NPIPB8: variants seen among roughly 807,000 people sequenced by gnomAD.
NPIPB8 encodes nuclear pore complex-interacting protein family member B8.
In NPIPB8, 3 loss-of-function variants were observed where a neutral mutation model predicts 5.3. The ratio of observed to expected loss-of-function variants is 0.57; its 90% CI spans 0.26 to 1.47. NPIPB8 has a LOEUF of 1.47. Among genes scored for constraint, NPIPB8 ranks in the 40% most tolerant of loss-of-function variants. The pLI, the probability that NPIPB8 is intolerant of heterozygous loss-of-function variation, is 0.13. For synonymous variants in NPIPB8, 18 were observed against 23.0 expected, an observed-to-expected ratio of 0.78 and a Z score of 0.62; for missense variants, 50 against 50.2, an observed-to-expected ratio of 1.00 and a Z score of 0.01.
intron 2 of NPIPB8, among the ~76,000 whole-genome samples, chr16:28,642,393 C>T (rs2047915840): frequency 6.6e-6 from 1 of 152,082 alleles, no homozygotes; most frequent in African/African-American, 2.4e-5. Flanking sequence ...TGTGAGCCAC[C>T]ATGCCCAGCC....
Position 28,638,401 on chromosome 16 carries a change from C to A in NPIPB8, c.41C>A (p.Ser14Tyr), listed in dbSNP as rs1285139331. 1 of 1,572,028 alleles carries A rather than the reference C, an allele frequency of 6.4e-7. No individual in the cohort carries two copies. The change falls in exon 2 of 8, where the codon TCC becomes TAC. Residue 14 changes from serine to tyrosine, a missense_variant. By Grantham distance (144) the Ser-to-Tyr change is moderately radical. Transcript: ENST00000683297. Reference sequence around the variant, plus strand: ...ATTGTCCTGACCCCACAGTTCCTGTCCCATGACCAGGGCCAGCTCACCAAG... The same window carrying A: ...ATTGTCCTGACCCCACAGTTCCTGTACCATGACCAGGGCCAGCTCACCAAG... ...LSIVLTPQFLSHDQGQLTKEL... is the reference protein window; with the variant it reads ...LSIVLTPQFLYHDQGQLTKEL...
rs572735050 is a variant in NPIPB8, at chr16:28,639,962, C to G, written c.120+1482C>G. Among the ~76,000 whole-genome samples, 3 of 151,208 alleles carry G rather than the reference C, an allele frequency of 2.0e-5. No homozygotes were observed. In the South Asian group the frequency reaches 6.3e-4, roughly 32 times the overall value. On this transcript the variant is annotated intron_variant, in intron 2 of 7. Coordinates refer to ENST00000683297, the MANE Select transcript of NPIPB8 (RefSeq NM_001310136.2). ...CTACATGGCTAACATTGTGTACTCA[C>G]TGTGTGTGCCAGGCCCTGGGTTCAA...
At chr16:28,642,328 A>T (rs935248786) in intron 2 of NPIPB8, among the ~76,000 whole-genome samples, 1 of 151,106 alleles carries the variant, frequency 6.6e-6, no homozygotes, top group Non-Finnish European at 1.5e-5. Flanking sequence ...CTGGTCTCGA[A>T]CTCCTAACCT....
chr16:28,642,291 A>G (rs1359067770), intron 2 of NPIPB8, among the ~76,000 whole-genome samples: 1 of 151,220 alleles, frequency 6.6e-6, no homozygotes, highest in Non-Finnish European at 1.5e-5. Flanking sequence ...TTTTTAGTAG[A>G]GACAGGGTTT....
intron 2 of NPIPB8, 136 bp downstream of exon 2, chr16:28,638,616 C>T (rs2047834882): frequency 4.4e-6 from 6 of 1,367,574 alleles, no homozygotes; most frequent in Non-Finnish European, 5.9e-6. Context: ...TTTTTCTTTC[C>T]ATACAAGTGG....
chr16:28,652,971 C>G (rs369704642), intron 5 of NPIPB8, among the ~76,000 whole-genome samples: 1 of 127,596 alleles, frequency 7.8e-6, no homozygotes, highest in South Asian at 2.3e-4. Flanking sequence ...TGCTATGGTG[C>G]AATCTTGGCT....
intron 5 of NPIPB8, among the ~76,000 whole-genome samples, 188 bp downstream of exon 5, chr16:28,652,552 G>A (rs1465461169): frequency 4.0e-4 from 40 of 101,136 alleles, no homozygotes; most frequent in Non-Finnish European, 5.9e-4. Context: ...ATTCTTGTTT[G>A]TAATTTTTTC....
intron 2 of NPIPB8, among the ~76,000 whole-genome samples, chr16:28,640,639 G>T (rs1490296748): frequency 4.6e-5 from 7 of 152,240 alleles, no homozygotes; most frequent in African/African-American, 1.7e-4. Context: ...GGAAGAGAGT[G>T]GGGAACTGAT....
chr16:28,644,565 C>T, intron 2 of NPIPB8: 9 of 1,519,834 alleles, frequency 5.9e-6, no homozygotes, highest in Non-Finnish European at 7.9e-6. Flanking sequence ...CTGGACACCT[C>T]AGGGCGCCCT....
At chr16:28,639,442 C>CATATATAT (rs1215767667) in intron 2 of NPIPB8, among the ~76,000 whole-genome samples, 45 of 107,554 alleles carry the variant, frequency 4.2e-4, no homozygotes, top group Non-Finnish European at 6.4e-4. Context: ...CACACACACA[C>CATATATAT]ACATATATAT....
Position 28,638,556 on chromosome 16 carries a change from C to G in NPIPB8, c.120+76C>G. 3.4e-6 allele frequency: 5 copies of G among 1,453,074 alleles called. No individual in the cohort carries two copies. The South Asian group carries it at 6.2e-5, about 18-fold the overall frequency. 90.0% of individuals were successfully genotyped at this position (1,453,074 alleles called of 1,614,324 possible). A position where few individuals can be genotyped will look rare whatever the true frequency, so the allele number is the denominator to read the frequency against. On this transcript the variant is annotated intron_variant, in intron 2 of 7. Transcript: ENST00000683297. ...GTCTCAGCTGCCACACATCTCATAG[C>G]GGGTGATGCTGGGGGAAGCTTACGC...
intron 2 of NPIPB8, among the ~76,000 whole-genome samples, chr16:28,643,145 C>T (rs1229854352): frequency 1.3e-5 from 2 of 150,450 alleles, no homozygotes; most frequent in Non-Finnish European, 3.0e-5. Context: ...TGGGCAAATA[C>T]CTTAGGAGAG....
chr16:28,653,036 G>C (rs1310111796), intron 5 of NPIPB8, among the ~76,000 whole-genome samples: 1 of 121,576 alleles, frequency 8.2e-6, no homozygotes, highest in Non-Finnish European at 1.7e-5. Flanking sequence ...TTCCTGAGTA[G>C]CTTGGATTAC....
intron 2 of NPIPB8, among the ~76,000 whole-genome samples, chr16:28,642,467 C>A (rs1263469380): frequency 6.6e-6 from 1 of 150,578 alleles, no homozygotes; most frequent in Non-Finnish European, 1.5e-5. Context: ...TTTTGTAAAC[C>A]CTGTTTTTTG....
intron 2 of NPIPB8, among the ~76,000 whole-genome samples, chr16:28,640,258 C>A (rs1380452952): frequency 2.0e-5 from 3 of 151,692 alleles, no homozygotes; most frequent in Non-Finnish European, 4.4e-5. Context: ...GAAACAGCCC[C>A]AAACGATGGA....
At chr16:28,639,229 TACA>T (rs1414060537) in intron 2 of NPIPB8, among the ~76,000 whole-genome samples, 6 of 147,952 alleles carry the variant, frequency 4.1e-5, no homozygotes, top group Admixed American at 2.0e-4. Flanking sequence ...ACATTTATTT[TACA>T]ACATGTAATA....
At chr16:28,641,657 C>T (rs2047898855) in intron 2 of NPIPB8, among the ~76,000 whole-genome samples, 1 of 133,048 alleles carries the variant, frequency 7.5e-6, no homozygotes, top group African/African-American at 2.8e-5. Context: ...GAAAGATGCC[C>T]TTGGGAGGTG....
chr16:28,642,250 T>C lies in NPIPB8; in HGVS notation c.120+3770T>C, dbSNP rs2411439. 3.6e-4 allele frequency among the ~76,000 whole-genome samples: 55 copies of C among 151,300 alleles called. 1 individual carries two copies. The highest frequency in any genetic ancestry group is 4.2e-4 in the South Asian group (2 of 4,802). On this transcript the variant is annotated intron_variant, in intron 2 of 7. Coordinates refer to ENST00000683297, the MANE Select transcript of NPIPB8 (RefSeq NM_001310136.2). ...CCTCCTGAGTAGCTGGGATTACAGG[T>C]GTGTGCCACCATGCCTGGCTAATTT...
chr16:28,642,857 T>C (rs1170506147), intron 2 of NPIPB8, among the ~76,000 whole-genome samples: 3 of 152,084 alleles, frequency 2.0e-5, no homozygotes, highest in African/African-American at 7.2e-5. Context: ...TTTCCATTTG[T>C]AGCATCAATA....
Sources: gnomAD v4.1 joint callset for allele counts (sites outside exome capture counted in the v4.1 genomes callset) on GRCh38, gnomAD v4.1.1 for gene constraint, MANE v1.5 for transcripts, NCBI Gene and HGNC (gene_info 2026-07-23, HGNC 2026-07-21) for gene names.